Variants in PDXDC1 observed in about 807,000 individuals in gnomAD.
PDXDC1 encodes the protein pyridoxal dependent decarboxylase domain containing 1.
A neutral mutation model predicts 100.1 loss-of-function variants in PDXDC1; 42 were observed. That is an observed-to-expected ratio of 0.42 (90% confidence interval 0.33 to 0.54). The LOEUF (loss-of-function observed/expected upper bound fraction) is 0.54, where lower values mean the gene tolerates loss of function less well. PDXDC1 is among the 20% of genes least tolerant of loss of function. The pLI is 0.10. For synonymous variants in PDXDC1, 260 were observed against 371.7 expected, an observed-to-expected ratio of 0.70 and a Z score of 3.46; for missense variants, 636 against 979.2, an observed-to-expected ratio of 0.65 and a Z score of 4.68.
rs1423623673 is a variant in PDXDC1 at position 15,073,078 on chromosome 16, T to C, written c.1399+43022T>C. The C allele has an allele frequency of 1.9e-6, 3 of 1,604,208 alleles. No individual in the cohort carries two copies. In the African/African-American group the frequency reaches 4.0e-5, roughly 22 times the overall value. ...TCCTTTGTTTTGCCGTTATCAACCT[T>C]ACCTATGGAGAAAATCTGGCATCTC... On this transcript the variant is annotated intron_variant, in intron 16 of 16. Coordinates refer to the PDXDC1 transcript ENST00000535621.
chr16:15,065,516 G>C (rs1426539605), intron 16 of PDXDC1: 6 of 626,448 alleles, frequency 9.6e-6, no homozygotes, highest in Non-Finnish European at 1.6e-5. Flanking sequence ...ATATAAAGCA[G>C]AAAGTAACAC....
At chr16:15,125,274 G>A in intron 16 of PDXDC1, 1 of 604,334 alleles carries the variant, frequency 1.7e-6, no homozygotes, top group Non-Finnish European at 3.0e-6. Flanking sequence ...ACGGGTCACT[G>A]AGCAGGTCCG....
chr16:15,087,311 C>T (rs942893165), intron 16 of PDXDC1, among the ~76,000 whole-genome samples: 17 of 152,124 alleles, frequency 1.1e-4, no homozygotes, highest in African/African-American at 4.1e-4. Flanking sequence ...TTCTTCTAAT[C>T]CTAAAAACTC....
At chr16:15,018,624 C>T (rs1329137860) in intron 11 of PDXDC1, among the ~76,000 whole-genome samples, 1 of 152,232 alleles carries the variant, frequency 6.6e-6, no homozygotes, top group African/African-American at 2.4e-5. Flanking sequence ...GGCTTTGCCA[C>T]TCCTGAGCTG....
At chr16:15,013,735 TGTG>T (rs1422857933) in intron 8 of PDXDC1, among the ~76,000 whole-genome samples, 1 of 152,124 alleles carries the variant, frequency 6.6e-6, no homozygotes, top group Non-Finnish European at 1.5e-5. Flanking sequence ...ATTAGCCAGG[TGTG>T]GTGGTGTGCA....
rs376915202 is a variant in PDXDC1 at position 14,979,786 on chromosome 16, A to G, written c.21+4566A>G. On this transcript the variant is annotated intron_variant, in intron 1 of 22. Coordinates refer to ENST00000396410, the MANE Select transcript of PDXDC1 (RefSeq NM_015027.4). ...ATGCTAGAGGTTTATAGCAGCATCAATGGAACATTCCTGATCATTACTTAC... is the reference window on the plus strand; with the variant it reads ...ATGCTAGAGGTTTATAGCAGCATCAGTGGAACATTCCTGATCATTACTTAC... 1.8e-3 allele frequency among the ~76,000 whole-genome samples: 268 copies of G among 152,346 alleles called. 1 individual carries two copies. Among genetic ancestry groups the G allele is most frequent in the South Asian group, 4.6e-3 (22 of 4,830 alleles).
At chr16:15,040,006 T>C (rs1830223802), downstream of PDXDC1, 3 of 1,612,036 alleles carry the variant, frequency 1.9e-6, no homozygotes, top group Non-Finnish European at 2.5e-6. Context: ...ACGAAGCTGC[T>C]CCTCCGGACC....
the PDXDC1 span, among the ~76,000 whole-genome samples, chr16:15,146,227 AG>A: frequency 6.6e-6 from 1 of 152,066 alleles, no homozygotes; most frequent in African/African-American, 2.4e-5. Flanking sequence ...GCCTCAGAAG[AG>A]CCAACAGAAA....
rs1266004558 is a variant in PDXDC1 at position 15,036,484 on chromosome 16, G to A, written c.*209G>A. 2.0e-5 allele frequency: 11 copies of A among 563,776 alleles called. No individual in the cohort carries two copies. Among genetic ancestry groups the A allele is most frequent in the Non-Finnish European group, 3.1e-5 (10 of 320,454 alleles). 34.9% of individuals were successfully genotyped at this position (563,776 alleles called of 1,614,324 possible). On this transcript the variant is annotated 3_prime_UTR_variant, in exon 23 of 23. Coordinates refer to ENST00000396410, the MANE Select transcript of PDXDC1 (RefSeq NM_015027.4). ...ATGTACATGTAGAACCACGTTTGCT[G>A]TCCTACTACGACTTTTCCCTAAGTT... is the stretch of plus-strand genomic sequence containing the variant.
At chr16:15,132,545 G>T (rs999902222) in intron 16 of PDXDC1, among the ~76,000 whole-genome samples, 2 of 151,074 alleles carry the variant, frequency 1.3e-5, no homozygotes, top group African/African-American at 4.9e-5. Flanking sequence ...CGTTCACACA[G>T]GACAGCAGAA....
intron 13 of PDXDC1, among the ~76,000 whole-genome samples, chr16:15,023,496 T>TTG (rs1329922568): frequency 5.9e-5 from 9 of 152,276 alleles, no homozygotes; most frequent in Non-Finnish European, 1.2e-4. Context: ...CATGGTTTGG[T>TTG]TTAAATACAA....
At chr16:15,097,141 G>A (rs573652099) in intron 16 of PDXDC1, among the ~76,000 whole-genome samples, 1 of 152,018 alleles carries the variant, frequency 6.6e-6, no homozygotes, top group Admixed American at 6.6e-5. Flanking sequence ...GGTGGCACGT[G>A]CCTGTAGTTC....
chr16:14,980,991 C>T (rs1967846643), intron 1 of PDXDC1, among the ~76,000 whole-genome samples: 2 of 152,392 alleles, frequency 1.3e-5, no homozygotes, highest in Admixed American at 6.5e-5. Flanking sequence ...AGATGTGGCC[C>T]CTGCAGGAGG....
chr16:15,135,212 G>C, intron 16 of PDXDC1: 1 of 776,688 alleles, frequency 1.3e-6, no homozygotes, highest in Non-Finnish European at 2.1e-6. Context: ...CTAAAACACG[G>C]AAAACAGTAG....
rs2044057902 is a variant in PDXDC1, at chr16:15,046,284, T to C, written c.1399+16228T>C. ...CTCTTTCCTTTTTAGACTCCTAGGA[T>C]TAAGCCTTCGTATATGATGGGAGTA... On this transcript the variant is annotated intron_variant, in intron 16 of 16. Coordinates refer to the PDXDC1 transcript ENST00000535621. 2.0e-5 allele frequency among the ~76,000 whole-genome samples: 3 copies of C among 152,190 alleles called. No homozygotes were observed. The South Asian group carries it at 6.2e-4, about 32-fold the overall frequency.
intron 16 of PDXDC1, among the ~76,000 whole-genome samples, chr16:15,124,450 G>C (rs983084757): frequency 1.5e-4 from 23 of 152,002 alleles, no homozygotes; most frequent in African/African-American, 5.6e-4. Flanking sequence ...ACCATAAATA[G>C]AAAAACAACC....
chr16:15,028,921 A>G lies in PDXDC1; in HGVS notation c.1248A>G (p.Ser416=), dbSNP rs768659116. 2.1e-5 allele frequency: 34 copies of G among 1,613,812 alleles called. No homozygotes were observed. Among genetic ancestry groups the G allele is most frequent in the South Asian group, 8.8e-5 (8 of 91,082 alleles). Residue 416 remains serine (S), a synonymous_variant, in exon 15 of 23, where the codon TCA becomes TCG. Coordinates refer to ENST00000396410, the MANE Select transcript of PDXDC1 (RefSeq NM_015027.4). ...TCCCAGTGCCCAACATGACACCTTCAGGAGTCGGCCGGGAGAGGCACTCGT... is the reference window on the plus strand; with the variant it reads ...TCCCAGTGCCCAACATGACACCTTCGGGAGTCGGCCGGGAGAGGCACTCGT... ...KAVPVPNMTP[S]GVGRERHSCD...
chr16:15,035,439 T>TCTCCC lies in PDXDC1; in HGVS notation c.2003-9_2003-5dup, dbSNP rs762901391. 3.1e-5 allele frequency: 49 copies of TCTCCC among 1,576,380 alleles called. No individual in the cohort carries two copies. The Admixed American group carries it at 4.0e-4, about 13-fold the overall frequency. On this transcript the variant is annotated splice_polypyrimidine_tract_variant and intron_variant, in intron 21 of 22. Transcript: ENST00000396410. ...CTGTAGCTTCTACCCAGCCCTCTCC[T>TCTCCC]CTCCCGCAGGCTCTCTGGAGTCCAC...
intron 16 of PDXDC1, among the ~76,000 whole-genome samples, chr16:15,058,315 G>C (rs1216377620): frequency 6.6e-6 from 1 of 151,832 alleles, no homozygotes; most frequent in Non-Finnish European, 1.5e-5. Context: ...AAAAGAAAAA[G>C]AAAGCACTAA....
Sources: gnomAD v4.1 joint callset for allele counts (sites outside exome capture counted in the v4.1 genomes callset) on GRCh38, gnomAD v4.1.1 for gene constraint, MANE v1.5 for transcripts, NCBI Gene and HGNC (gene_info 2026-07-23, HGNC 2026-07-21) for gene names.